DOK6: variants seen among roughly 807,000 people sequenced by gnomAD.
The protein encoded by DOK6 is downstream of tyrosine kinase 6.
In DOK6, 22 loss-of-function variants were observed where a neutral mutation model predicts 44.0. That is an observed-to-expected ratio of 0.50 (90% CI 0.36 to 0.71). DOK6 has a LOEUF of 0.71. DOK6 is among the 30% of genes least tolerant of loss of function. The probability of loss-of-function intolerance (pLI) is 0.00; values close to 1 mark genes in which losing one functional copy is unlikely to be tolerated. For synonymous variants in DOK6, 166 were observed against 145.5 expected (o/e 1.14, Z -1.01); for missense variants, 340 against 416.4 (o/e 0.82, Z 1.60).
At chr18:69,688,298 A>C (rs973368655) in intron 4 of DOK6, among the ~76,000 whole-genome samples, 12 of 152,234 alleles carry the variant, frequency 7.9e-5, no homozygotes, top group Non-Finnish European at 1.5e-4. Flanking sequence ...ATCCCAGTAA[A>C]CCAGACATGT....
rs1212697506 is a variant in DOK6 at position 69,754,366 on chromosome 18, A to AAG, written c.739-3389_739-3388insGA. 4.6e-5 allele frequency among the ~76,000 whole-genome samples: 7 copies of AAG among 151,678 alleles called. No individual in the cohort carries two copies. The South Asian group carries it at 6.3e-4, about 14-fold the overall frequency. ...ACCCTATCTCCAAAAAAAAAAAAAA[A>AAG]AAGAAGTTATCAAGAGTGCTTGAAA... On this transcript the variant is annotated intron_variant, in intron 6 of 7. Coordinates refer to ENST00000382713, the MANE Select transcript of DOK6 (RefSeq NM_152721.6).
chr18:69,474,345 A>T (rs1392965277), intron 1 of DOK6, among the ~76,000 whole-genome samples: 1 of 152,058 alleles, frequency 6.6e-6, no homozygotes, highest in Non-Finnish European at 1.5e-5. Flanking sequence ...TAAAAGCAAC[A>T]TGGCCCCCTA....
At chr18:69,631,280 T>G (rs956135959) in intron 3 of DOK6, among the ~76,000 whole-genome samples, 5 of 152,288 alleles carry the variant, frequency 3.3e-5, no homozygotes, top group African/African-American at 1.2e-4. Context: ...TTGGAGATGA[T>G]GTAATTGATA....
intron 7 of DOK6, among the ~76,000 whole-genome samples, chr18:69,775,168 C>A (rs1393732447): frequency 6.6e-6 from 1 of 151,920 alleles, no homozygotes; most frequent in African/African-American, 2.4e-5. Flanking sequence ...CTATCACCAA[C>A]TGAAATATGC....
intron 6 of DOK6, among the ~76,000 whole-genome samples, chr18:69,751,849 A>G (rs1207232439): frequency 2.0e-5 from 3 of 151,922 alleles, no homozygotes; most frequent in Admixed American, 6.6e-5. Context: ...ACAAAAAGGA[A>G]AAAAAAAGTG....
At chr18:69,403,256 C>T (rs1165416353) in intron 1 of DOK6, among the ~76,000 whole-genome samples, 1 of 152,142 alleles carries the variant, frequency 6.6e-6, no homozygotes, top group Non-Finnish European at 1.5e-5. Context: ...TAGGATTCCC[C>T]TCCACCCCAT....
chr18:69,485,736 A>G (rs957945883), intron 1 of DOK6, among the ~76,000 whole-genome samples: 9 of 152,170 alleles, frequency 5.9e-5, no homozygotes, highest in African/African-American at 2.2e-4. Flanking sequence ...AAGAATTTTA[A>G]CACAGACATA....
chr18:69,543,329 C>T (rs1982318135), intron 1 of DOK6, among the ~76,000 whole-genome samples: 1 of 151,562 alleles, frequency 6.6e-6, no homozygotes, highest in African/African-American at 2.4e-5. Flanking sequence ...GGATACACTT[C>T]ACTCTCAGGC....
intron 2 of DOK6, among the ~76,000 whole-genome samples, chr18:69,573,548 A>G (rs1257369528): frequency 1.3e-5 from 2 of 151,892 alleles, no homozygotes; most frequent in East Asian, 1.9e-4. Flanking sequence ...TTTTTCTGTG[A>G]TGGATGGTGA....
rs1982239774 is a variant in DOK6 at position 69,842,043 on chromosome 18, G to A, written c.*660G>A. 2 of 151,482 alleles carry A rather than the reference G, an allele frequency of 1.3e-5. No homozygotes were observed. Among genetic ancestry groups the A allele is most frequent in the Non-Finnish European group, 2.9e-5 (2 of 67,976 alleles). 9.4% of individuals were successfully genotyped at this position (151,482 alleles called of 1,614,324 possible). The stretch of plus-strand genomic sequence containing the variant: ...CAAGTATATATCAAACATGTGCTGA[G>A]GGTGACAGGATATGCTCACTTAAAT... On this transcript the variant is annotated 3_prime_UTR_variant, in exon 8 of 8. Transcript: ENST00000382713.
At chr18:69,795,215 GT>G (rs1233303193) in intron 7 of DOK6, among the ~76,000 whole-genome samples, 3 of 151,876 alleles carry the variant, frequency 2.0e-5, no homozygotes, top group Non-Finnish European at 4.4e-5. Context: ...ACCCAGTTTG[GT>G]CACTAACCTC....
intron 1 of DOK6, among the ~76,000 whole-genome samples, chr18:69,451,654 A>C (rs1306618637): frequency 3.1e-5 from 2 of 64,856 alleles, no homozygotes; most frequent in African/African-American, 1.3e-4. Context: ...TTGACCACAT[A>C]GTTGGAAGTA....
chr18:69,685,157 A>G (rs964762515), intron 4 of DOK6, among the ~76,000 whole-genome samples: 1 of 152,194 alleles, frequency 6.6e-6, no homozygotes, highest in East Asian at 1.9e-4. Context: ...AAGAAACAAT[A>G]TAATCTTTCT....
intron 7 of DOK6, among the ~76,000 whole-genome samples, chr18:69,806,142 C>G (rs187158288): frequency 1.8e-3 from 271 of 151,898 alleles, no homozygotes; most frequent in South Asian, 3.7e-3. Flanking sequence ...ATTCTTCTAG[C>G]CTTGTATAGC....
chr18:69,787,147 C>T (rs1431148438), intron 7 of DOK6, among the ~76,000 whole-genome samples: 1 of 152,062 alleles, frequency 6.6e-6, no homozygotes, highest in Non-Finnish European at 1.5e-5. Context: ...ACCTGGGAGG[C>T]AGAGGTTGCA....
chr18:69,447,420 G>A (rs929662958), intron 1 of DOK6, among the ~76,000 whole-genome samples: 1 of 152,088 alleles, frequency 6.6e-6, no homozygotes, highest in Admixed American at 6.6e-5. Context: ...CTATATCTCT[G>A]TTTTGGTACC....
chr18:69,754,564 T>C (rs1034041740), intron 6 of DOK6, among the ~76,000 whole-genome samples: 21 of 152,166 alleles, frequency 1.4e-4, no homozygotes, highest in African/African-American at 4.8e-4. Flanking sequence ...ACAAACTGGA[T>C]GGGTTAAACA....
At chr18:69,550,302 A>G (rs915406132) in intron 1 of DOK6, among the ~76,000 whole-genome samples, 2 of 152,150 alleles carry the variant, frequency 1.3e-5, no homozygotes, top group African/African-American at 2.4e-5. Flanking sequence ...GGAAAGTAGC[A>G]CTGATGAAAT....
intron 7 of DOK6, among the ~76,000 whole-genome samples, chr18:69,773,006 A>G (rs1453464284): frequency 6.6e-6 from 1 of 152,008 alleles, no homozygotes; most frequent in Non-Finnish European, 1.5e-5. Flanking sequence ...AAAAACACCT[A>G]CACTAATTTA....
Sources: gnomAD v4.1 joint callset for allele counts (sites outside exome capture counted in the v4.1 genomes callset) on GRCh38, gnomAD v4.1.1 for gene constraint, MANE v1.5 for transcripts, NCBI Gene and HGNC (gene_info 2026-07-23, HGNC 2026-07-21) for gene names.